Variants in CABP5 observed in about 807,000 individuals in gnomAD.
The protein encoded by CABP5 is calcium-binding protein 5.
Under a neutral mutation model 21.9 loss-of-function variants are expected in CABP5, and 17 were observed. That is an observed-to-expected ratio of 0.78 (90% CI 0.53 to 1.17). CABP5 has a LOEUF of 1.17. Among genes scored for constraint, CABP5 ranks in the 50% most tolerant of loss-of-function variants. The pLI is 0.00. For missense variants in CABP5, 229 were observed against 228.9 expected, an observed-to-expected ratio of 1.00 and a Z score of 0.00; for synonymous variants, 85 against 79.4, an observed-to-expected ratio of 1.07 and a Z score of -0.37.
Position 48,029,648 on chromosome 19 carries a change from C to G in CABP5, c.*909G>C, listed in dbSNP as rs1967311738. On this transcript the variant is annotated 3_prime_UTR_variant, in exon 6 of 6. Transcript: ENST00000293255. ...GGATTTGGGGGATCCTGTCATCTCT[C>G]TCTTTGCATGATGACATTTTTTCAG... Among the ~76,000 whole-genome samples, 1 of 152,144 alleles carries G rather than the reference C, an allele frequency of 6.6e-6. No individual in the cohort carries two copies. Among genetic ancestry groups the G allele is most frequent in the Admixed American group, 6.6e-5 (1 of 15,260 alleles).
chr19:48,031,267 C>T (rs1383106687), intron 5 of CABP5, among the ~76,000 whole-genome samples: 5 of 152,086 alleles, frequency 3.3e-5, no homozygotes, highest in Admixed American at 6.6e-5. Context: ...TGGCCGGGCG[C>T]GGTGGCTCAT....
At chr19:48,037,188 A>G (rs1432969994) in intron 4 of CABP5, among the ~76,000 whole-genome samples, 1 of 150,316 alleles carries the variant, frequency 6.7e-6, no homozygotes, top group Non-Finnish European at 1.5e-5. Flanking sequence ...TATGGAAGCA[A>G]CCTGTGTCCA....
intron 4 of CABP5, among the ~76,000 whole-genome samples, chr19:48,036,990 C>T (rs1967415370): frequency 6.6e-6 from 1 of 152,070 alleles, no homozygotes; most frequent in Admixed American, 6.6e-5. Flanking sequence ...TACACTTTTG[C>T]TGGGTATGGA....
chr19:48,039,173 C>T, intron 4 of CABP5, 35 bp downstream of exon 4: 1 of 1,533,818 alleles, frequency 6.5e-7, no homozygotes, highest in East Asian at 2.2e-5. Context: ...GGGTCTGCCT[C>T]TACCATCACC....
chr19:48,040,773 G>A, intron 2 of CABP5, 25 bp from the exon 3 acceptor site: 1 of 1,612,842 alleles, frequency 6.2e-7, no homozygotes, highest in Non-Finnish European at 8.5e-7. Flanking sequence ...AGAACTTTGG[G>A]GGAACTTGAA....
At position 48,034,203 on chromosome 19, in the gene CABP5, C is replaced by G. The variant is rs200202629; in HGVS notation, c.496+12G>C. 7.1e-6 allele frequency: 11 copies of G among 1,548,292 alleles called. No individual in the cohort carries two copies. Among genetic ancestry groups the G allele is most frequent in the Non-Finnish European group, 7.9e-6 (9 of 1,146,058 alleles). On this transcript the variant is annotated intron_variant, in intron 5 of 5. Coordinates refer to ENST00000293255, the MANE Select transcript of CABP5 (RefSeq NM_019855.5). Reference sequence around the variant, plus strand: ...GCTGCCCCCGCTCCCCACCACGCCCCGTCAATGTCACCTTCAAAGTCAACT... The same window carrying G: ...GCTGCCCCCGCTCCCCACCACGCCCGGTCAATGTCACCTTCAAAGTCAACT...
chr19:48,034,648 C>T (rs533755145), intron 4 of CABP5, among the ~76,000 whole-genome samples: 5 of 150,748 alleles, frequency 3.3e-5, no homozygotes, highest in South Asian at 2.1e-4. Context: ...TGGATTCAAG[C>T]GATTCTCGTC....
chr19:48,036,950 G>C (rs2122369793), intron 4 of CABP5, among the ~76,000 whole-genome samples: 1 of 152,304 alleles, frequency 6.6e-6, no homozygotes, highest in Middle Eastern at 3.4e-3. Flanking sequence ...AACAAGTGTT[G>C]GTGAGGATGT....
chr19:48,037,647 G>A (rs1643865667), intron 4 of CABP5, among the ~76,000 whole-genome samples: 1 of 151,972 alleles, frequency 6.6e-6, no homozygotes, highest in Non-Finnish European at 1.5e-5. Context: ...TCTTTTATTT[G>A]ACACAATATA....
intron 4 of CABP5, among the ~76,000 whole-genome samples, chr19:48,035,147 T>C (rs1389681618): frequency 6.6e-6 from 1 of 152,226 alleles, no homozygotes; most frequent in African/African-American, 2.4e-5. Flanking sequence ...CAGCCTCTGC[T>C]AACCACCTTT....
chr19:48,029,559 G>A lies in CABP5; in HGVS notation c.*998C>T, dbSNP rs775447367. Among the ~76,000 whole-genome samples, 1 of 152,098 alleles carries A rather than the reference G, an allele frequency of 6.6e-6. No homozygotes were observed. Among genetic ancestry groups the A allele is most frequent in the Non-Finnish European group, 1.5e-5 (1 of 68,022 alleles). On this transcript the variant is annotated 3_prime_UTR_variant, in exon 6 of 6. Coordinates refer to ENST00000293255, the MANE Select transcript of CABP5 (RefSeq NM_019855.5). Reference sequence around the variant, plus strand: ...AGAGACACAGCCTCTGGGTGGTCCAGGACAGACCAGCGCGGAGGTAGGAGG... The same window carrying A: ...AGAGACACAGCCTCTGGGTGGTCCAAGACAGACCAGCGCGGAGGTAGGAGG...
Position 48,034,359 on chromosome 19 carries a change from C to A in CABP5, c.352G>T (p.Asp118Tyr). The change falls in exon 5 of 6, where the codon GAC becomes TAC. Residue 118 changes from aspartate to tyrosine, a missense_variant. Physicochemically the swap from Asp to Tyr is radical, Grantham distance 160. Coordinates refer to ENST00000293255, the MANE Select transcript of CABP5 (RefSeq NM_019855.5). The part of the protein sequence containing the change: ...QEMRDAFKEF[D>Y]TNGDGEITLV... ...GTGATCTCCCCATCTCCATTCGTGT[C>A]AAACTGAATAGAAGCAGAAATAGAT... 1 of 1,553,352 alleles carries A rather than the reference C, an allele frequency of 6.4e-7. No homozygotes were observed.
chr19:48,035,994 C>A (rs1967403980), intron 4 of CABP5, among the ~76,000 whole-genome samples: 1 of 152,012 alleles, frequency 6.6e-6, no homozygotes, highest in Non-Finnish European at 1.5e-5. Flanking sequence ...ACGATGGGAG[C>A]CAGGAAACCA....
At chr19:48,039,091 G>A (rs775391933) in intron 4 of CABP5, 117 bp downstream of exon 4, 670 of 730,950 alleles carry the variant, frequency 9.2e-4, no homozygotes, top group Non-Finnish European at 1.4e-3. Context: ...CACCATGGCT[G>A]GAAAAAAAAA....
chr19:48,041,141 G>A (rs140792794), intron 2 of CABP5, among the ~76,000 whole-genome samples: 12 of 152,036 alleles, frequency 7.9e-5, no homozygotes, highest in African/African-American at 2.9e-4. Context: ...AGAGGAGATC[G>A]TGCCATTGCA....
intron 4 of CABP5, among the ~76,000 whole-genome samples, chr19:48,036,110 T>C (rs572134683): frequency 4.5e-4 from 68 of 152,176 alleles, no homozygotes; most frequent in African/African-American, 1.4e-3. Context: ...GTTTTGGAAA[T>C]TGAACGTACT....
At chr19:48,039,124 G>A (rs1344871403) in intron 4 of CABP5, 84 bp downstream of exon 4, 18 of 1,050,202 alleles carry the variant, frequency 1.7e-5, no homozygotes, top group Non-Finnish European at 2.7e-5. Flanking sequence ...GTTGGTGGGT[G>A]CTGTCCATGG....
intron 5 of CABP5, among the ~76,000 whole-genome samples, chr19:48,033,159 T>G (rs71355787): frequency 0.3 from 46,070 of 151,624 alleles, 7,832 homozygotes; most frequent in Non-Finnish European, 0.38. Flanking sequence ...CTGCCACCAC[T>G]TCCGGCTAAT....
At chr19:48,043,833 G>T in intron 1 of CABP5, 27 bp downstream of exon 1, 1 of 889,190 alleles carries the variant, frequency 1.1e-6, no homozygotes, top group Non-Finnish European at 1.6e-6. Flanking sequence ...CCCGCCCACC[G>T]CCCTTCCCCC....
Sources: gnomAD v4.1 joint callset for allele counts (sites outside exome capture counted in the v4.1 genomes callset) on GRCh38, gnomAD v4.1.1 for gene constraint, MANE v1.5 for transcripts, NCBI Gene and HGNC (gene_info 2026-07-23, HGNC 2026-07-21) for gene names.